The following TBC1D8 variants were observed in gnomAD, a reference collection of about 807,000 sequenced individuals.
The protein encoded by TBC1D8 is TBC1 domain family member 8, also known as BUB2-like protein 1.
TBC1D8 carries 65 observed loss-of-function variants against 118.8 expected under a neutral mutation model. That is an observed-to-expected ratio of 0.55 (90% CI 0.45 to 0.67). The LOEUF is 0.67. TBC1D8 is among the 30% of genes least tolerant of loss of function. The probability of loss-of-function intolerance (pLI) is 0.00; values close to 1 mark genes in which losing one functional copy is unlikely to be tolerated. For missense variants in TBC1D8, 1,376 were observed against 1,471.2 expected, an observed-to-expected ratio of 0.94 and a Z score of 1.06; for synonymous variants, 566 against 595.8, an observed-to-expected ratio of 0.95 and a Z score of 0.73.
At position 101,046,309 on chromosome 2, in the gene TBC1D8, G is replaced by C. The variant is rs535382828; in HGVS notation, c.872+4092C>G. Among the ~76,000 whole-genome samples the C allele has an allele frequency of 5.3e-5, 8 of 152,278 alleles. No homozygotes were observed. The South Asian group carries it at 1.7e-3, about 32-fold the overall frequency. On this transcript the variant is annotated intron_variant, in intron 5 of 19. Transcript: ENST00000409318. ...GGGCCCCTCATTCCTTTGGAAATCCGTCTGCACTGAGCACCTAAGAGACCA... is the reference window on the plus strand; with the variant it reads ...GGGCCCCTCATTCCTTTGGAAATCCCTCTGCACTGAGCACCTAAGAGACCA...
chr2:101,054,452 G>T, intron 3 of TBC1D8, 116 bp from the exon 4 acceptor site: 1 of 1,022,304 alleles, frequency 9.8e-7, no homozygotes, highest in Non-Finnish European at 1.4e-6. Context: ...AGTGTGCGCT[G>T]CTTCAACGAC....
At chr2:101,051,534 G>A (rs569755332) in intron 4 of TBC1D8, among the ~76,000 whole-genome samples, 1 of 152,126 alleles carries the variant, frequency 6.6e-6, no homozygotes, top group South Asian at 2.1e-4. Flanking sequence ...CAGAATAGGG[G>A]AAGTTTTTTG....
At position 101,029,696 on chromosome 2, in the gene TBC1D8, A is replaced by C. The variant is rs1210479984; in HGVS notation, c.2017T>G (p.Ser673Ala). The C allele has an allele frequency of 6.2e-7, 1 of 1,613,878 alleles. No individual in the cohort carries two copies. Among genetic ancestry groups the C allele is most frequent in the Non-Finnish European group, 8.5e-7 (1 of 1,179,886 alleles). ...GAGAGAGAGACGGACGCCAGGGCTG[A>C]GAGGTCGTTCATGTGCTCTGCCAGC... is the stretch of plus-strand genomic sequence containing the variant. ...PELAEHMNDL[S>A]ALASVSLSWF... Residue 673 changes from serine to alanine, a missense_variant, in exon 12 of 20, where the codon TCA (serine) becomes GCA (alanine). By Grantham distance (99) the Ser-to-Ala change is moderately conservative. Coordinates refer to ENST00000409318, the MANE Select transcript of TBC1D8 (RefSeq NM_001330348.2).
At chr2:101,072,793 A>ACAAATTGGTAC (rs988184901) in intron 2 of TBC1D8, among the ~76,000 whole-genome samples, 2 of 152,110 alleles carry the variant, frequency 1.3e-5, no homozygotes, top group Admixed American at 1.3e-4. Context: ...CTAACAGGCC[A>ACAAATTGGTAC]CAAATTGGTA....
intron 1 of TBC1D8, among the ~76,000 whole-genome samples, chr2:101,145,188 T>C (rs1573117766): frequency 1.3e-5 from 2 of 152,210 alleles, no homozygotes; most frequent in Non-Finnish European, 2.9e-5. Flanking sequence ...CGTGCCTTGT[T>C]TGATTATCTC....
chr2:101,044,245 T>C (rs983958312), intron 5 of TBC1D8, among the ~76,000 whole-genome samples: 2 of 152,250 alleles, frequency 1.3e-5, no homozygotes, highest in African/African-American at 4.8e-5. Flanking sequence ...TACTAGAAAG[T>C]TGTCTTCCAA....
At chr2:101,135,194 A>C (rs936564739) in intron 1 of TBC1D8, among the ~76,000 whole-genome samples, 2 of 152,168 alleles carry the variant, frequency 1.3e-5, no homozygotes, top group Admixed American at 1.3e-4. Flanking sequence ...AAGAAACAAG[A>C]AAAAAGAAAA....
At chr2:101,032,604 C>T (rs969640064) in intron 10 of TBC1D8, 22 of 491,588 alleles carry the variant, frequency 4.5e-5, no homozygotes, top group African/African-American at 2.1e-4. Context: ...CACTCAGCTC[C>T]GGTCCCCATC....
intron 2 of TBC1D8, among the ~76,000 whole-genome samples, chr2:101,077,508 A>G (rs1674922011): frequency 6.6e-6 from 1 of 152,102 alleles, no homozygotes; most frequent in South Asian, 2.1e-4. Flanking sequence ...CGGCCTCCCA[A>G]AGTGCTGGGA....
At chr2:101,009,724 A>AAAAG (rs1288607575) in intron 19 of TBC1D8, among the ~76,000 whole-genome samples, 1 of 152,176 alleles carries the variant, frequency 6.6e-6, no homozygotes, top group South Asian at 2.1e-4. Flanking sequence ...TTTTGTGGTC[A>AAAAG]AAAGAAAAAA....
chr2:101,068,175 G>T (rs1399727101), intron 2 of TBC1D8, among the ~76,000 whole-genome samples: 2 of 152,170 alleles, frequency 1.3e-5, no homozygotes, highest in African/African-American at 4.8e-5. Context: ...CATCCACGAG[G>T]ATTAGAATCA....
Position 101,047,034 on chromosome 2 carries a change from G to A in TBC1D8, c.872+3367C>T, listed in dbSNP as rs1164753039. Among the ~76,000 whole-genome samples the A allele has an allele frequency of 3.9e-5, 6 of 152,200 alleles. No homozygotes were observed. The East Asian group carries it at 9.7e-4, about 25-fold the overall frequency. On this transcript the variant is annotated intron_variant, in intron 5 of 19. Coordinates refer to ENST00000409318, the MANE Select transcript of TBC1D8 (RefSeq NM_001330348.2). ...CCCAACTTTGGGATACATCTTTTCT[G>A]TTTTGAGATTTCAGGATGGTCTTTT...
At chr2:101,127,022 C>G (rs1406416602) in intron 1 of TBC1D8, among the ~76,000 whole-genome samples, 1 of 152,128 alleles carries the variant, frequency 6.6e-6, no homozygotes, top group East Asian at 1.9e-4. Context: ...GGGCTAGAGC[C>G]AGAGAACAAG....
At chr2:101,122,784 C>A (rs1015785113) in intron 1 of TBC1D8, among the ~76,000 whole-genome samples, 1 of 152,160 alleles carries the variant, frequency 6.6e-6, no homozygotes, top group Admixed American at 6.5e-5. Flanking sequence ...ATTTTGAAGA[C>A]AGATCCGCTT....
chr2:101,106,925 G>A (rs1232770234), intron 1 of TBC1D8, among the ~76,000 whole-genome samples: 1 of 152,232 alleles, frequency 6.6e-6, no homozygotes, highest in African/African-American at 2.4e-5. Context: ...GTAGGCTAAT[G>A]TAAGTGTTCT....
intron 2 of TBC1D8, among the ~76,000 whole-genome samples, chr2:101,076,965 A>G (rs996042205): frequency 1.3e-5 from 2 of 152,148 alleles, no homozygotes; most frequent in Non-Finnish European, 2.9e-5. Context: ...GCAAAGGGGG[A>G]CATTTCACAT....
intron 1 of TBC1D8, chr2:101,109,922 A>G: frequency 2.0e-6 from 2 of 985,466 alleles, no homozygotes; most frequent in Non-Finnish European, 2.4e-6. Flanking sequence ...ATGAGGCCCC[A>G]CTCAAGGGCT....
At chr2:101,069,226 G>A (rs1683176065) in intron 2 of TBC1D8, among the ~76,000 whole-genome samples, 1 of 151,424 alleles carries the variant, frequency 6.6e-6, no homozygotes, top group African/African-American at 2.4e-5. Context: ...CCGGAAGGCG[G>A]AGCTTGCAGT....
At chr2:101,047,901 G>A (rs1230161104) in intron 5 of TBC1D8, among the ~76,000 whole-genome samples, 1 of 152,212 alleles carries the variant, frequency 6.6e-6, no homozygotes, top group African/African-American at 2.4e-5. Flanking sequence ...AAGGGATTTG[G>A]TGCTACAGAC....
Sources: gnomAD v4.1 joint callset for allele counts (sites outside exome capture counted in the v4.1 genomes callset) on GRCh38, gnomAD v4.1.1 for gene constraint, MANE v1.5 for transcripts, NCBI Gene and HGNC (gene_info 2026-07-23, HGNC 2026-07-21) for gene names.